PGAP2: variants seen among roughly 807,000 people sequenced by gnomAD.
PGAP2 encodes the protein post-GPI attachment to proteins 2, also known as acyltransferase PGAP2.
PGAP2 carries 21 observed loss-of-function variants against 33.2 expected under a neutral mutation model. The observed-to-expected ratio is 0.63, with a 90% CI of 0.45 to 0.91. The LOEUF is 0.91. Among genes scored for constraint, PGAP2 ranks in the 40% least tolerant of loss-of-function variants. PGAP2 has a pLI of 0.00. For synonymous variants in PGAP2, 161 were observed against 172.9 expected, an observed-to-expected ratio of 0.93 and a Z score of 0.54; for missense variants, 345 against 424.0, an observed-to-expected ratio of 0.81 and a Z score of 1.64.
intron 1 of PGAP2, among the ~76,000 whole-genome samples, 154 bp downstream of exon 1, chr11:3,808,805 C>G (rs2084953464): frequency 6.6e-6 from 1 of 152,214 alleles, no homozygotes; most frequent in Non-Finnish European, 1.5e-5. Flanking sequence ...AACTGCTGCT[C>G]TCTGGACTTG....
Position 3,825,828 on chromosome 11 carries a change from A to C in PGAP2, c.*370A>C, listed in dbSNP as rs1213613782. On this transcript the variant is annotated 3_prime_UTR_variant, in exon 7 of 7. Coordinates refer to ENST00000278243, the MANE Select transcript of PGAP2 (RefSeq NM_014489.4). Reference sequence around the variant, plus strand: ...GCCCCTGAGCAGTGGCTGCTCCCTGACAACCACAGCCATTTCTCTGCACGG... The same window carrying C: ...GCCCCTGAGCAGTGGCTGCTCCCTGCCAACCACAGCCATTTCTCTGCACGG... The C allele has an allele frequency of 5.1e-6, 1 of 196,084 alleles. No homozygotes were observed. Among genetic ancestry groups the C allele is most frequent in the Non-Finnish European group, 1.1e-5 (1 of 93,740 alleles). The allele number at this position is 196,084 out of a possible 1,614,324, so 12.1% of individuals were successfully genotyped here. A position where few individuals can be genotyped will look rare whatever the true frequency, so the allele number is the denominator to read the frequency against.
At position 3,824,201 on chromosome 11, in the gene PGAP2, A is replaced by G. The variant is rs2089554337; in HGVS notation, c.601+66A>G. ...GAGGGGACGGGCCTGCCCCTACCAC[A>G]TTCGGACCTTCCTACTTCGTGGTGT... On this transcript the variant is annotated intron_variant, in intron 4 of 6. Coordinates refer to ENST00000278243, the MANE Select transcript of PGAP2 (RefSeq NM_014489.4). 3 of 1,612,522 alleles carry G rather than the reference A, an allele frequency of 1.9e-6. No individual in the cohort carries two copies. In the East Asian group the frequency reaches 6.7e-5, roughly 36 times the overall value.
chr11:3,798,099 A>C lies in PGAP2; in HGVS notation c.139+117A>C, dbSNP rs1371296916. The C allele has an allele frequency of 2.0e-6, 3 of 1,490,548 alleles. No homozygotes were observed. The African/African-American group carries it at 4.3e-5, about 21-fold the overall frequency. 92.3% of individuals were successfully genotyped at this position (1,490,548 alleles called of 1,614,324 possible). Reference sequence around the variant, plus strand: ...TGCGGAGCCTGAGGGCCCTCTTGGAAGGTCTGTCTGTCCAAAGAGTTTGCC... The same window carrying C: ...TGCGGAGCCTGAGGGCCCTCTTGGACGGTCTGTCTGTCCAAAGAGTTTGCC... On this transcript the variant is annotated intron_variant, in intron 1 of 6. Coordinates refer to the PGAP2 transcript ENST00000300730.
In PGAP2 at chr11:3,811,360, T is replaced by A. The variant is rs745318258; in HGVS notation, c.101T>A (p.Phe34Tyr). 6.2e-7 allele frequency: 1 copy of A among 1,614,098 alleles called. No individual in the cohort carries two copies. The highest frequency in any genetic ancestry group is 8.5e-7 in the Non-Finnish European group (1 of 1,179,990). The change falls in exon 2 of 7, where the codon TTC becomes TAC. Residue 34 changes from phenylalanine (F) to tyrosine (Y), a missense_variant. Around this residue, in one of 2 missense-constraint regions of PGAP2, gnomAD observed 34 missense variants for 70.3 expected, o/e 0.48. Coordinates refer to ENST00000278243, the MANE Select transcript of PGAP2 (RefSeq NM_014489.4). This position sits in a 1 kb window ranked among gnomAD's most constrained non-coding sequence, Gnocchi z 4.6. Reference protein sequence around the residue: ...LVTVCCPLVAFLFCILWSLLF... With the variant: ...LVTVCCPLVAYLFCILWSLLF... ...ACGGTCTGCTGTCCACTTGTCGCCT[T>A]CCTCTTCTGCATCCTCTGGTCCCTG...
intron 2 of PGAP2, among the ~76,000 whole-genome samples, chr11:3,814,739 C>CT (rs1344768473): frequency 4.8e-5 from 5 of 105,008 alleles, no homozygotes; most frequent in African/African-American, 1.4e-4. Flanking sequence ...TTCTTTCCTT[C>CT]TTTCCTTCTT....
upstream of PGAP2, chr11:3,808,308 G>A (rs1325081985): frequency 1.3e-6 from 2 of 1,551,450 alleles, no homozygotes; most frequent in African/African-American, 1.4e-5. Context: ...ATGGAACGCA[G>A]CTGAGAGGTA....
upstream of PGAP2, chr11:3,808,477 A>T: frequency 6.9e-7 from 1 of 1,443,810 alleles, no homozygotes; most frequent in Non-Finnish European, 9.1e-7. Flanking sequence ...CGGGGTCTCC[A>T]GAAGCGGGGA....
chr11:3,817,703 CAGAG>C, intron 3 of PGAP2, 168 bp downstream of exon 3: 1 of 707,218 alleles, frequency 1.4e-6, no homozygotes, highest in Non-Finnish European at 2.6e-6. Flanking sequence ...GGGGGAGACT[CAGAG>C]AGAATAGAAT....
At chr11:3,823,599 T>G (rs1371687232) in intron 3 of PGAP2, 1 of 1,536,026 alleles carries the variant, frequency 6.5e-7, no homozygotes, top group East Asian at 2.4e-5. Flanking sequence ...CATCTACACA[T>G]TGACCAAACA....
upstream of PGAP2, chr11:3,808,241 G>T: frequency 6.5e-7 from 1 of 1,545,544 alleles, no homozygotes; most frequent in South Asian, 1.2e-5. Flanking sequence ...AGAGACGGGC[G>T]GATGAGAAAG....
At chr11:3,814,554 G>A (rs1435291537) in intron 2 of PGAP2, among the ~76,000 whole-genome samples, 2 of 151,912 alleles carry the variant, frequency 1.3e-5, no homozygotes, top group Non-Finnish European at 2.9e-5. Flanking sequence ...ACCATGCCCA[G>A]CCTCTTTTTT....
chr11:3,806,894 G>A (rs531255523), upstream of PGAP2, among the ~76,000 whole-genome samples: 4 of 152,098 alleles, frequency 2.6e-5, no homozygotes, highest in East Asian at 1.9e-4. Flanking sequence ...TGGTGGTGCC[G>A]CCTGTATTCC....
At chr11:3,819,129 GCCT>G (rs2087874889) in intron 3 of PGAP2, among the ~76,000 whole-genome samples, 1 of 152,178 alleles carries the variant, frequency 6.6e-6, no homozygotes, top group Non-Finnish European at 1.5e-5. Flanking sequence ...GCTCATTGCA[GCCT>G]TGACCTCCTG....
At chr11:3,814,295 C>G (rs565088487) in intron 2 of PGAP2, among the ~76,000 whole-genome samples, 1 of 152,250 alleles carries the variant, frequency 6.6e-6, no homozygotes, top group South Asian at 2.1e-4. Context: ...CTCACTCTGT[C>G]GCCTAGGCTG....
At chr11:3,818,849 G>A (rs566987123) in intron 3 of PGAP2, among the ~76,000 whole-genome samples, 1 of 152,246 alleles carries the variant, frequency 6.6e-6, no homozygotes, top group African/African-American at 2.4e-5. Flanking sequence ...AGTGACTGTG[G>A]GGCTCAGAGG....
intron 3 of PGAP2, chr11:3,822,945 G>A (rs2089157912): frequency 6.5e-7 from 1 of 1,543,526 alleles, no homozygotes; most frequent in Non-Finnish European, 8.8e-7. Flanking sequence ...GCATTAAGAT[G>A]GATGGTGGAG....
rs2084931559 is a variant in PGAP2 at position 3,808,713 on chromosome 11, G to A, written c.-11+62G>A. On this transcript the variant is annotated intron_variant, in intron 1 of 6. Transcript: ENST00000278243. ...GCCCCACTCGGGAGCTTGGCCGCGCGGTCTGGCCTCTGCAGGGCCGGGCCC... is the reference window on the plus strand; with the variant it reads ...GCCCCACTCGGGAGCTTGGCCGCGCAGTCTGGCCTCTGCAGGGCCGGGCCC... The A allele has an allele frequency of 2.3e-5, 22 of 959,684 alleles. No individual in the cohort carries two copies. The South Asian group carries it at 7.6e-4, about 33-fold the overall frequency. The allele number at this position is 959,684 out of a possible 1,614,324, so 59.4% of individuals were successfully genotyped here. A position where few individuals can be genotyped will look rare whatever the true frequency, so the allele number is the denominator to read the frequency against.
intron 3 of PGAP2, among the ~76,000 whole-genome samples, chr11:3,821,137 C>T (rs547855238): frequency 6.6e-6 from 1 of 152,368 alleles, no homozygotes; most frequent in African/African-American, 2.4e-5. Context: ...CTTCCTCTGA[C>T]AGTGCAGAAG....
At chr11:3,805,444 G>C (rs1010450218), upstream of PGAP2, among the ~76,000 whole-genome samples, 2 of 150,410 alleles carry the variant, frequency 1.3e-5, no homozygotes, top group Admixed American at 6.6e-5. Context: ...TGTATTTTTT[G>C]GTACAGATGC....
Sources: allele counts gnomAD v4.1 joint callset (sites outside exome capture counted in the v4.1 genomes callset), GRCh38; gene constraint gnomAD v4.1.1; regional missense constraint gnomAD v4.1.1; non-coding constraint Gnocchi (gnomAD v3.1); transcripts MANE v1.5; gene names NCBI Gene and HGNC (gene_info 2026-07-23, HGNC 2026-07-21).